Variants in CAPZA2 observed in about 807,000 individuals in gnomAD.
CAPZA2 encodes the protein capping actin protein of muscle Z-line subunit alpha 2.
In CAPZA2, 13 loss-of-function variants were observed where a neutral mutation model predicts 44.0. That is an observed-to-expected ratio of 0.30 (90% CI 0.19 to 0.47). The LOEUF is 0.47. Ranked by LOEUF, CAPZA2 falls within the 20% of genes least tolerant of loss-of-function variation. The pLI, the probability that CAPZA2 is intolerant of heterozygous loss-of-function variation, is 1.00. For synonymous variants in CAPZA2, 94 were observed against 108.2 expected, an observed-to-expected ratio of 0.87 and a Z score of 0.81; for missense variants, 244 against 338.6, an observed-to-expected ratio of 0.72 and a Z score of 2.19.
chr7:116,917,416 G>A (rs1344147988), intron 9 of CAPZA2, among the ~76,000 whole-genome samples: 3 of 152,112 alleles, frequency 2.0e-5, no homozygotes, highest in East Asian at 1.9e-4. Flanking sequence ...CACCATGCCC[G>A]ACTAATTTTT....
chr7:116,914,434 C>CAT (rs900997887), intron 8 of CAPZA2, among the ~76,000 whole-genome samples: 1 of 90,120 alleles, frequency 1.1e-5, no homozygotes, highest in African/African-American at 3.5e-5. Context: ...TACATACATA[C>CAT]ACACACACAC....
chr7:116,910,027 C>T (rs1791570146), intron 6 of CAPZA2: 4 of 539,074 alleles, frequency 7.4e-6, no homozygotes, highest in East Asian at 3.3e-5. Flanking sequence ...TAAGTTCTTT[C>T]TTATCAGTAG....
In CAPZA2 at chr7:116,901,326, G is replaced by A. The variant is rs542355294; in HGVS notation, c.219+2491G>A. ...ATACACCATAGAATACTATGCAGCCGTGAAAAAGAACAAGCTTTATGTCCT... is the reference window on the plus strand; with the variant it reads ...ATACACCATAGAATACTATGCAGCCATGAAAAAGAACAAGCTTTATGTCCT... On this transcript the variant is annotated intron_variant, in intron 4 of 9. Coordinates refer to ENST00000361183, the MANE Select transcript of CAPZA2 (RefSeq NM_006136.3). Among the ~76,000 whole-genome samples, 24 of 152,192 alleles carry A rather than the reference G, an allele frequency of 1.6e-4. 1 individual carries two copies. Among genetic ancestry groups the A allele is most frequent in the East Asian group, 9.6e-4 (5 of 5,192 alleles).
At chr7:116,896,029 A>G (rs1585009815) in intron 3 of CAPZA2, among the ~76,000 whole-genome samples, 1 of 152,166 alleles carries the variant, frequency 6.6e-6, no homozygotes, top group Non-Finnish European at 1.5e-5. Flanking sequence ...CAGTTTCACT[A>G]GGGTAAGTGT....
chr7:116,874,393 A>G (rs188777889), intron 1 of CAPZA2: 2 of 153,014 alleles, frequency 1.3e-5, no homozygotes, highest in Admixed American at 1.3e-4. Flanking sequence ...TGAATGCCGT[A>G]ACACCAGTTA....
At chr7:116,890,824 G>T (rs1585007987) in intron 2 of CAPZA2, among the ~76,000 whole-genome samples, 1 of 136,864 alleles carries the variant, frequency 7.3e-6, no homozygotes, top group African/African-American at 2.6e-5. Context: ...TTAAATATTT[G>T]AAGGTAAATA....
chr7:116,908,820 A>G (rs1217369895), intron 6 of CAPZA2, among the ~76,000 whole-genome samples: 11 of 152,174 alleles, frequency 7.2e-5, no homozygotes, highest in African/African-American at 1.4e-4. Flanking sequence ...ACCTTCTTTG[A>G]AAAATCTTGG....
At chr7:116,884,091 G>A (rs1005570963) in intron 1 of CAPZA2, among the ~76,000 whole-genome samples, 5 of 152,100 alleles carry the variant, frequency 3.3e-5, no homozygotes, top group African/African-American at 7.2e-5. Flanking sequence ...AGATACTTAC[G>A]TAATCATAAT....
chr7:116,867,847 G>T (rs533991537), intron 1 of CAPZA2, among the ~76,000 whole-genome samples: 1 of 152,160 alleles, frequency 6.6e-6, no homozygotes, highest in African/African-American at 2.4e-5. Flanking sequence ...GCCTCCTAAA[G>T]TGCTGGGATT....
chr7:116,869,392 C>T (rs1416160933), intron 1 of CAPZA2, among the ~76,000 whole-genome samples: 1 of 152,204 alleles, frequency 6.6e-6, no homozygotes, highest in Non-Finnish European at 1.5e-5. Flanking sequence ...TTTTCTTATA[C>T]ATTCTAATTC....
chr7:116,908,266 GA>G (rs951750800), intron 6 of CAPZA2, among the ~76,000 whole-genome samples: 13 of 145,964 alleles, frequency 8.9e-5, no homozygotes, highest in East Asian at 6.0e-4. Flanking sequence ...ATCTCTAGAA[GA>G]AAAAAAAAAG....
rs981570726 is a variant in CAPZA2, at chr7:116,881,538, GACCATCCTGGCTAAC to G, written c.40-6586_40-6572del. ...GCGGATCACGAGGTCAGGAGATCAA[GACCATCCTGGCTAAC>G]ACGGTGAAACCCCGTCTCTACTAAA... On this transcript the variant is annotated intron_variant, in intron 1 of 9. Coordinates refer to ENST00000361183, the MANE Select transcript of CAPZA2 (RefSeq NM_006136.3). Among the ~76,000 whole-genome samples the G allele has an allele frequency of 8.5e-5, 13 of 152,102 alleles. 1 individual carries two copies. The highest frequency in any genetic ancestry group is 5.9e-4 in the Admixed American group (9 of 15,284).
chr7:116,905,685 C>G (rs1791489407), intron 5 of CAPZA2, among the ~76,000 whole-genome samples: 1 of 152,138 alleles, frequency 6.6e-6, no homozygotes, highest in Admixed American at 6.6e-5. Context: ...TAAGGGAGTA[C>G]TTGTTAGAGA....
chr7:116,882,187 A>G (rs796666551), intron 1 of CAPZA2, among the ~76,000 whole-genome samples: 22 of 152,356 alleles, frequency 1.4e-4, no homozygotes, highest in African/African-American at 5.1e-4. Context: ...AGATACTTAC[A>G]AACAATGTAA....
chr7:116,867,722 T>C (rs953395334), intron 1 of CAPZA2, among the ~76,000 whole-genome samples: 11 of 152,028 alleles, frequency 7.2e-5, no homozygotes, highest in African/African-American at 2.7e-4. Flanking sequence ...TAGCTGGGAC[T>C]ACAGGCACAC....
At chr7:116,917,124 T>C (rs1249931844) in intron 9 of CAPZA2, among the ~76,000 whole-genome samples, 1 of 152,210 alleles carries the variant, frequency 6.6e-6, no homozygotes, top group Non-Finnish European at 1.5e-5. Context: ...TAATAATCTA[T>C]AAATTGTTCT....
chr7:116,906,932 TAGAC>T (rs1009329398), intron 6 of CAPZA2, among the ~76,000 whole-genome samples: 3 of 152,338 alleles, frequency 2.0e-5, no homozygotes, highest in African/African-American at 7.2e-5. Context: ...TTTTTATTCT[TAGAC>T]AAGACTATTT....
intron 8 of CAPZA2, among the ~76,000 whole-genome samples, chr7:116,913,678 C>T (rs577806669): frequency 6.6e-6 from 1 of 152,152 alleles, no homozygotes; most frequent in South Asian, 2.1e-4. Context: ...TCTCAGCTCA[C>T]TGCAACCTCT....
chr7:116,892,484 A>G (rs1796860222), intron 2 of CAPZA2, among the ~76,000 whole-genome samples: 1 of 152,142 alleles, frequency 6.6e-6, no homozygotes, highest in Non-Finnish European at 1.5e-5. Context: ...TCTTTTCTGC[A>G]GACTTTAACA....
Sources: allele counts gnomAD v4.1 joint callset (sites outside exome capture counted in the v4.1 genomes callset), GRCh38; gene constraint gnomAD v4.1.1; transcripts MANE v1.5; gene names NCBI Gene and HGNC (gene_info 2026-07-23, HGNC 2026-07-21).